CAMTA1: variants seen among roughly 807,000 people sequenced by gnomAD.
CAMTA1 encodes the protein calmodulin-binding transcription activator 1.
A neutral mutation model predicts 170.9 loss-of-function variants in CAMTA1; 27 were observed. That is an observed-to-expected ratio of 0.16 (90% CI 0.12 to 0.22). The LOEUF (loss-of-function observed/expected upper bound fraction) is 0.22. CAMTA1 is among the 10% of genes least tolerant of loss of function. The pLI is 1.00. For synonymous variants in CAMTA1, 833 were observed against 891.5 expected (o/e 0.93, Z 1.17); for missense variants, 1,619 against 2,217.2 (o/e 0.73, Z 5.42).
chr1:6,931,360 C>T (rs1684381765), intron 3 of CAMTA1, among the ~76,000 whole-genome samples: 1 of 152,172 alleles, frequency 6.6e-6, no homozygotes, highest in Non-Finnish European at 1.5e-5. Context: ...CTTATCTCAG[C>T]ACCTGGAGAT....
intron 3 of CAMTA1, among the ~76,000 whole-genome samples, chr1:6,963,841 A>G (rs1691007973): frequency 6.6e-6 from 1 of 152,108 alleles, no homozygotes; most frequent in Non-Finnish European, 1.5e-5. Flanking sequence ...GACCCTAACA[A>G]TGGGAAAGGG....
intron 5 of CAMTA1, among the ~76,000 whole-genome samples, chr1:7,420,183 C>T (rs1228510701): frequency 1.3e-5 from 2 of 152,142 alleles, no homozygotes; most frequent in African/African-American, 4.8e-5. Context: ...CCTTCACACT[C>T]ACGAGCCCAT....
At chr1:7,563,099 A>G (rs1254111023) in intron 6 of CAMTA1, among the ~76,000 whole-genome samples, 1 of 152,084 alleles carries the variant, frequency 6.6e-6, no homozygotes, top group East Asian at 1.9e-4. Context: ...CCCAGCCCCA[A>G]GCTATTGTGT....
At chr1:6,852,458 G>GC (rs1254292426) in intron 3 of CAMTA1, among the ~76,000 whole-genome samples, 1 of 152,144 alleles carries the variant, frequency 6.6e-6, no homozygotes, top group Non-Finnish European at 1.5e-5. Flanking sequence ...GAAACCAATT[G>GC]CAAGTCCAGG....
intron 22 of CAMTA1, among the ~76,000 whole-genome samples, chr1:7,764,021 A>C (rs1025336166): frequency 6.6e-6 from 1 of 152,242 alleles, no homozygotes; most frequent in African/African-American, 2.4e-5. Flanking sequence ...GCATCAGTGC[A>C]TGCCTTGCAT....
intron 1 of CAMTA1, among the ~76,000 whole-genome samples, chr1:6,805,867 A>G (rs1277976432): frequency 6.7e-6 from 1 of 148,518 alleles, no homozygotes; most frequent in Non-Finnish European, 1.5e-5. Context: ...ATTGTGTCCC[A>G]TTTATCTGTT....
chr1:7,562,931 C>T lies in CAMTA1; in HGVS notation c.511-77469C>T, dbSNP rs985534938. Among the ~76,000 whole-genome samples, 2 of 152,202 alleles carry T rather than the reference C, an allele frequency of 1.3e-5. No individual in the cohort carries two copies. The highest frequency in any genetic ancestry group is 4.8e-5 in the African/African-American group (2 of 41,454). ...TGTTTAGCCAGAGCTTGGGGCCCAC[C>T]CACCCCAGCTGGTCCTTGAATCTGG... On this transcript the variant is annotated intron_variant, in intron 6 of 22. Coordinates refer to ENST00000303635, the MANE Select transcript of CAMTA1 (RefSeq NM_015215.4). This position sits in a 1 kb window ranked among gnomAD's most constrained non-coding sequence, Gnocchi z 4.8.
chr1:6,929,249 G>A (rs541519732), intron 3 of CAMTA1, among the ~76,000 whole-genome samples: 4 of 151,996 alleles, frequency 2.6e-5, no homozygotes, highest in East Asian at 1.9e-4. Flanking sequence ...GTGCGATCTC[G>A]GCTCACTGCA....
intron 5 of CAMTA1, among the ~76,000 whole-genome samples, chr1:7,380,595 A>C (rs1435078301): frequency 1.3e-5 from 2 of 152,190 alleles, no homozygotes; most frequent in African/African-American, 4.8e-5. Flanking sequence ...AAAGAAAAGA[A>C]GGTTGCCCAG....
intron 3 of CAMTA1, among the ~76,000 whole-genome samples, chr1:6,826,178 T>C (rs947218342): frequency 6.6e-6 from 1 of 152,338 alleles, no homozygotes; most frequent in East Asian, 1.9e-4. Flanking sequence ...GCTTTTGTTT[T>C]GCGTGGTGGG....
intron 3 of CAMTA1, among the ~76,000 whole-genome samples, chr1:6,938,720 C>T (rs1474827257): frequency 1.3e-5 from 2 of 152,156 alleles, no homozygotes; most frequent in Non-Finnish European, 2.9e-5. Context: ...GAAGCTTGAG[C>T]TTTGTTTTTC....
chr1:7,187,320 A>T (rs184171161), intron 4 of CAMTA1, among the ~76,000 whole-genome samples: 69 of 152,250 alleles, frequency 4.5e-4, no homozygotes, highest in African/African-American at 1.6e-3. Flanking sequence ...ACTCACTGGG[A>T]AGGATTGCCA....
rs1420368717 is a variant in CAMTA1, at chr1:7,635,350, G to A, written c.511-5050G>A. 6.6e-6 allele frequency among the ~76,000 whole-genome samples: 1 copy of A among 152,166 alleles called. No homozygotes were observed. Among genetic ancestry groups the A allele is most frequent in the Non-Finnish European group, 1.5e-5 (1 of 68,010 alleles). ...GGGCCGGGCGTGGTGGCTCACGCCT[G>A]TAATCCCAGCACTTTGGAAGGCCGA... On this transcript the variant is annotated intron_variant, in intron 6 of 22. Transcript: ENST00000303635. This position sits in a 1 kb window ranked among gnomAD's most constrained non-coding sequence, Gnocchi z 4.4.
chr1:7,454,215 G>A (rs970928145), intron 5 of CAMTA1, among the ~76,000 whole-genome samples: 21 of 152,292 alleles, frequency 1.4e-4, no homozygotes, highest in African/African-American at 4.6e-4. Context: ...TGGCAGAGGC[G>A]ACCTCGCCTC....
Position 6,977,465 on chromosome 1 carries a change from C to T in CAMTA1, c.235-113839C>T, listed in dbSNP as rs151219400. On this transcript the variant is annotated intron_variant, in intron 3 of 22. Coordinates refer to ENST00000303635, the MANE Select transcript of CAMTA1 (RefSeq NM_015215.4). ...AAGAAATTCTCCAGCCTCAGCCTCC[C>T]GAGTAGCTGGGACTACACGTGCGTG... Among the ~76,000 whole-genome samples, 1,162 of 152,170 alleles carry T rather than the reference C, an allele frequency of 7.6e-3. 62 individuals carry two copies. Among genetic ancestry groups the T allele is most frequent in the East Asian group, 2.5e-3 (13 of 5,188 alleles).
At chr1:7,015,315 C>G (rs1289445743) in intron 3 of CAMTA1, among the ~76,000 whole-genome samples, 5 of 152,174 alleles carry the variant, frequency 3.3e-5, no homozygotes, top group African/African-American at 1.2e-4. Flanking sequence ...CAGACAGACT[C>G]ACCGCTTCCA....
Position 7,249,455 on chromosome 1 carries a change from G to A in CAMTA1, c.303-36G>A. ...TTCTTCATAAATTTTTCTTCTACTT[G>A]GTACTCTTGGTAACTTAACCATTTG... is the stretch of plus-strand genomic sequence containing the variant. On this transcript the variant is annotated intron_variant, in intron 4 of 22. Transcript: ENST00000303635. The surrounding 1 kb of genome is among the most constrained non-coding windows in gnomAD (Gnocchi z 4.4). The A allele has an allele frequency of 1.9e-6, 3 of 1,583,244 alleles. No homozygotes were observed. Among genetic ancestry groups the A allele is most frequent in the Non-Finnish European group, 2.6e-6 (3 of 1,161,720 alleles).
Position 7,684,951 on chromosome 1 carries a change from A to G in CAMTA1, c.2914+7218A>G, listed in dbSNP as rs188859215. Among the ~76,000 whole-genome samples the G allele has an allele frequency of 1.1e-4, 16 of 152,296 alleles. No homozygotes were observed. The East Asian group carries it at 3.1e-3, about 30-fold the overall frequency. On this transcript the variant is annotated intron_variant, in intron 11 of 22. Coordinates refer to ENST00000303635, the MANE Select transcript of CAMTA1 (RefSeq NM_015215.4). ...ACGGGGTTCTGCCCTAGGTGTTGTG[A>G]GAAGCGCAGTGAAGAAGCCGCGCAG...
intron 5 of CAMTA1, among the ~76,000 whole-genome samples, chr1:7,409,859 C>G (rs926823294): frequency 1.1e-4 from 16 of 152,224 alleles, no homozygotes; most frequent in African/African-American, 7.2e-5. Context: ...CTTTTGGAAT[C>G]GGACAAATCA....
Sources: gnomAD v4.1 joint callset for allele counts (sites outside exome capture counted in the v4.1 genomes callset) on GRCh38, gnomAD v4.1.1 for gene constraint, Gnocchi (gnomAD v3.1) non-coding constraint, MANE v1.5 for transcripts, NCBI Gene and HGNC (gene_info 2026-07-23, HGNC 2026-07-21) for gene names.